The following SPEF2 variants were observed in gnomAD, a reference collection of about 807,000 sequenced individuals.
SPEF2 encodes sperm flagella and cilia-associated protein 2.
In SPEF2, 187 loss-of-function variants were observed where a neutral mutation model predicts 224.6. The ratio of observed to expected loss-of-function variants is 0.83; its 90% CI spans 0.74 to 0.94. SPEF2 has a LOEUF of 0.94. SPEF2 is among the 40% of genes least tolerant of loss of function. SPEF2 has a pLI of 0.00. For missense variants in SPEF2, 2,170 were observed against 2,135.6 expected (o/e 1.02, Z -0.32); for synonymous variants, 715 against 707.3 (o/e 1.01, Z -0.17).
At chr5:35,719,294 A>C (rs1213889209) in intron 20 of SPEF2, among the ~76,000 whole-genome samples, 2 of 152,192 alleles carry the variant, frequency 1.3e-5, no homozygotes, top group East Asian at 3.9e-4. Context: ...TTAACGACAA[A>C]TGTGTAAGTT....
At chr5:35,686,561 A>G (rs1011163578) in intron 10 of SPEF2, among the ~76,000 whole-genome samples, 2 of 152,118 alleles carry the variant, frequency 1.3e-5, no homozygotes, top group Non-Finnish European at 2.9e-5. Context: ...TTATGACAGA[A>G]CTATTACAGC....
At chr5:35,792,020 A>T (rs9292611) in intron 30 of SPEF2, among the ~76,000 whole-genome samples, 144,630 of 151,766 alleles carry the variant, frequency 0.95, 69,225 homozygotes, top group Non-Finnish European at 1. Context: ...TATATTTTTT[A>T]AAAATTTAGC....
intron 23 of SPEF2, among the ~76,000 whole-genome samples, chr5:35,747,183 A>T (rs1471232183): frequency 6.6e-6 from 1 of 152,236 alleles, no homozygotes; most frequent in Non-Finnish European, 1.5e-5. Context: ...TCTTGAAACA[A>T]ATCCTGGAAA....
chr5:35,743,762 G>A (rs202231125), intron 23 of SPEF2, among the ~76,000 whole-genome samples: 2 of 151,752 alleles, frequency 1.3e-5, no homozygotes, highest in African/African-American at 4.8e-5. Flanking sequence ...AAACTCCTGT[G>A]ACTATTACAT....
intron 27 of SPEF2, among the ~76,000 whole-genome samples, chr5:35,771,963 G>A (rs113557581): frequency 2.0e-5 from 3 of 152,188 alleles, no homozygotes; most frequent in African/African-American, 7.2e-5. Context: ...TAACCAAATA[G>A]CCAGATGTAC....
At chr5:35,638,438 C>T (rs1474759707) in intron 2 of SPEF2, among the ~76,000 whole-genome samples, 2 of 152,088 alleles carry the variant, frequency 1.3e-5, no homozygotes, top group Admixed American at 6.5e-5. Flanking sequence ...GGTCCACATA[C>T]ACATCGTATG....
chr5:35,668,618 G>A lies in SPEF2; in HGVS notation c.1355+1359G>A, dbSNP rs76553870. On this transcript the variant is annotated intron_variant, in intron 9 of 36. Coordinates refer to ENST00000356031, the MANE Select transcript of SPEF2 (RefSeq NM_024867.4). ...ATGTTAATATCCTGGTTGTGATATC[G>A]TACTGTGGTTTTGCAAGATATTACA... Among the ~76,000 whole-genome samples the A allele has an allele frequency of 1.5e-3, 229 of 152,148 alleles. 1 individual carries two copies. The highest frequency in any genetic ancestry group is 5.2e-3 in the African/African-American group (217 of 41,540).
At chr5:35,763,847 AAT>A in intron 26 of SPEF2, 145 bp downstream of exon 26, 1 of 727,036 alleles carries the variant, frequency 1.4e-6, no homozygotes, top group African/African-American at 1.8e-5. Context: ...TTCTGAAAGA[AAT>A]AGAGAAATGT....
In SPEF2 at chr5:35,700,735, G is replaced by T. The variant is rs200782940; in HGVS notation, c.2381G>T (p.Arg794Leu). The change falls in exon 16 of 37, where the codon CGC becomes CTC. Residue 794 changes from arginine to leucine, a missense_variant. By Grantham distance (102) the Arg-to-Leu change is moderately radical. Transcript: ENST00000356031. ...LDVSDTSSMS[R>L]MNDIIAEELS... is the part of the protein sequence containing the mutation. ...GTTTCAGATACTTCCTCAATGAGTC[G>T]CATGAATGATATTATAGGTAAGCTG... 6.2e-7 allele frequency: 1 copy of T among 1,613,718 alleles called. No individual in the cohort carries two copies. The highest frequency in any genetic ancestry group is 1.7e-5 in the Admixed American group (1 of 59,982).
chr5:35,758,075 A>G (rs916174783), intron 24 of SPEF2, among the ~76,000 whole-genome samples: 6 of 152,224 alleles, frequency 3.9e-5, no homozygotes, highest in African/African-American at 9.6e-5. Context: ...TTTGTTCTGA[A>G]CTGTGAATAT....
Position 35,709,201 on chromosome 5 carries a change from T to C in SPEF2, c.2839+80T>C. The C allele has an allele frequency of 3.8e-6, 6 of 1,568,164 alleles. No individual in the cohort carries two copies. The South Asian group carries it at 7.3e-5, about 19-fold the overall frequency. ...AAAGAATTATAAATTATAGTCTATC[T>C]ACATTCAGACTTTGGGCAACTTCAA... On this transcript the variant is annotated intron_variant, in intron 19 of 36. Coordinates refer to ENST00000356031, the MANE Select transcript of SPEF2 (RefSeq NM_024867.4).
intron 20 of SPEF2, among the ~76,000 whole-genome samples, chr5:35,715,801 AG>A (rs1742437162): frequency 7.1e-6 from 1 of 140,184 alleles, no homozygotes; most frequent in Non-Finnish European, 1.5e-5. Context: ...TCTGTGAAAT[AG>A]GGGGATATAA....
At chr5:35,729,397 G>A (rs192545693) in intron 21 of SPEF2, among the ~76,000 whole-genome samples, 96 of 152,230 alleles carry the variant, frequency 6.3e-4, no homozygotes, top group Middle Eastern at 3.4e-3. Flanking sequence ...GATGCAGTGC[G>A]ACCCTGCAAA....
At chr5:35,743,111 A>C (rs1204261548) in intron 23 of SPEF2, among the ~76,000 whole-genome samples, 1 of 151,358 alleles carries the variant, frequency 6.6e-6, no homozygotes, top group Middle Eastern at 3.2e-3. Flanking sequence ...TTATATGTGG[A>C]TATTTAGCTA....
At chr5:35,650,541 T>G (rs1748040842) in intron 6 of SPEF2, among the ~76,000 whole-genome samples, 1 of 152,208 alleles carries the variant, frequency 6.6e-6, no homozygotes, top group African/African-American at 2.4e-5. Context: ...AAGACCATCT[T>G]AAACTACTGA....
At chr5:35,651,389 TACA>T (rs1243686050) in intron 6 of SPEF2, among the ~76,000 whole-genome samples, 8 of 152,154 alleles carry the variant, frequency 5.3e-5, no homozygotes, top group African/African-American at 1.7e-4. Context: ...CACCCTCACT[TACA>T]GCAGGAGGAG....
At chr5:35,788,935 T>C (rs201495353) in intron 30 of SPEF2, 1 of 703,062 alleles carries the variant, frequency 1.4e-6, no homozygotes, top group Non-Finnish European at 2.6e-6. Flanking sequence ...CTGTGATGCC[T>C]TCTCAAATAG....
At chr5:35,757,824 A>G (rs1324586918) in intron 24 of SPEF2, among the ~76,000 whole-genome samples, 1 of 152,208 alleles carries the variant, frequency 6.6e-6, no homozygotes, top group Admixed American at 6.5e-5. Context: ...ATCCAAGGAG[A>G]CTATTAAAAA....
intron 16 of SPEF2, among the ~76,000 whole-genome samples, chr5:35,703,959 G>A (rs1053864379): frequency 6.6e-6 from 1 of 151,912 alleles, no homozygotes; most frequent in Admixed American, 6.6e-5. Context: ...TCCTCTTTAT[G>A]ATTTTTTATT....
Sources: allele counts gnomAD v4.1 joint callset (sites outside exome capture counted in the v4.1 genomes callset), GRCh38; gene constraint gnomAD v4.1.1; transcripts MANE v1.5; gene names NCBI Gene and HGNC (gene_info 2026-07-23, HGNC 2026-07-21).